STX3: variants seen among roughly 807,000 people sequenced by gnomAD.
The protein encoded by STX3 is syntaxin 3.
Under a neutral mutation model 40.2 loss-of-function variants are expected in STX3, and 19 were observed. The ratio of observed to expected loss-of-function variants is 0.47; its 90% confidence interval spans 0.33 to 0.69. The LOEUF (loss-of-function observed/expected upper bound fraction) is 0.69, where lower values mean the gene tolerates loss of function less well. STX3 is among the 30% of genes least tolerant of loss of function. STX3 has a pLI of 0.02. For missense variants in STX3, 364 were observed against 366.7 expected (o/e 0.99, Z 0.06); for synonymous variants, 122 against 132.2 (o/e 0.92, Z 0.53).
intron 2 of STX3, among the ~76,000 whole-genome samples, chr11:59,782,004 C>T (rs894591940): frequency 6.6e-6 from 1 of 152,128 alleles, no homozygotes; most frequent in Non-Finnish European, 1.5e-5. Context: ...TAGGAGAGGC[C>T]GAGACTAATT....
intron 2 of STX3, among the ~76,000 whole-genome samples, chr11:59,785,625 C>T (rs1864708035): frequency 6.6e-6 from 1 of 152,200 alleles, no homozygotes; most frequent in Admixed American, 6.5e-5. Flanking sequence ...GCCATTGTGC[C>T]TGGCCTCTCC....
At chr11:59,792,739 T>C (rs1487518436) in intron 6 of STX3, among the ~76,000 whole-genome samples, 1 of 152,088 alleles carries the variant, frequency 6.6e-6, no homozygotes, top group East Asian at 1.9e-4. Flanking sequence ...GCAGGTTGTC[T>C]AGGGTCTGGA....
intron 1 of STX3, among the ~76,000 whole-genome samples, chr11:59,756,165 C>T (rs1165642600): frequency 1.3e-5 from 2 of 151,944 alleles, no homozygotes; most frequent in Non-Finnish European, 2.9e-5. Flanking sequence ...GTGTCATTGT[C>T]CCCCCCTCCC....
Position 59,755,611 on chromosome 11 carries a change from G to A in STX3, c.6G>A (p.Lys2=), listed in dbSNP as rs763036783. 5.0e-6 allele frequency: 8 copies of A among 1,594,830 alleles called. No individual in the cohort carries two copies. The highest frequency in any genetic ancestry group is 2.3e-5 in the East Asian group (1 of 43,720). Residue 2 remains lysine (K), a synonymous_variant, in exon 1 of 11, where the codon AAG becomes AAA. Transcript: ENST00000337979. ...CCGGGCGCCTGGGCTTCAGGATGAAGGACCGTCTGGAGCAGCTGAAGGCCG... is the reference window on the plus strand; with the variant it reads ...CCGGGCGCCTGGGCTTCAGGATGAAAGACCGTCTGGAGCAGCTGAAGGCCG... M[K]DRLEQLKAKQ...
intron 1 of STX3, among the ~76,000 whole-genome samples, chr11:59,767,668 T>C (rs1315093512): frequency 6.6e-6 from 1 of 152,214 alleles, no homozygotes; most frequent in Non-Finnish European, 1.5e-5. Flanking sequence ...ACTTTGTTGT[T>C]GTTATTTTGT....
At chr11:59,791,116 G>T (rs895903800) in intron 5 of STX3, among the ~76,000 whole-genome samples, 2 of 152,190 alleles carry the variant, frequency 1.3e-5, no homozygotes, top group African/African-American at 4.8e-5. Flanking sequence ...AGAGGAGGCT[G>T]GGCCAGAGTG....
intron 2 of STX3, among the ~76,000 whole-genome samples, chr11:59,776,831 C>A (rs1279887414): frequency 1.3e-5 from 2 of 152,180 alleles, no homozygotes; most frequent in African/African-American, 2.4e-5. Context: ...GCTGATCAAG[C>A]CAGAGCCTGG....
rs186772373 is a variant in STX3, at chr11:59,794,721, T to A, written c.676-651T>A. On this transcript the variant is annotated intron_variant, in intron 8 of 10. Coordinates refer to ENST00000337979, the MANE Select transcript of STX3 (RefSeq NM_004177.5). ...ATTAATTGGAATGATCAAACTTCCC[T>A]GTCAGGAAGTGATTGCTAGGAAATG... is the stretch of plus-strand genomic sequence containing the variant. Among the ~76,000 whole-genome samples, 4 of 152,350 alleles carry A rather than the reference T, an allele frequency of 2.6e-5. No individual in the cohort carries two copies. In the East Asian group the frequency reaches 7.7e-4, roughly 29 times the overall value.
Position 59,804,639 on chromosome 11 carries a change from A to G in STX3, c.*3815A>G, listed in dbSNP as rs1866011425. 6.6e-6 allele frequency: 1 copy of G among 152,202 alleles called. No homozygotes were observed. Among genetic ancestry groups the G allele is most frequent in the Non-Finnish European group, 1.5e-5 (1 of 68,030 alleles). The allele number at this position is 152,202 out of a possible 1,614,324, so 9.4% of individuals were successfully genotyped here. A position where few individuals can be genotyped will look rare whatever the true frequency, so the allele number is the denominator to read the frequency against. ...TAAAGTGCTTTTTCTATGGGTGGTG[A>G]TGGTGGAGTTCTAGCAACAGCCTCT... On this transcript the variant is annotated 3_prime_UTR_variant, in exon 11 of 11. Coordinates refer to ENST00000337979, the MANE Select transcript of STX3 (RefSeq NM_004177.5).
At chr11:59,778,905 G>A (rs993547481) in intron 2 of STX3, among the ~76,000 whole-genome samples, 3 of 149,834 alleles carry the variant, frequency 2.0e-5, no homozygotes, top group Non-Finnish European at 4.4e-5. Context: ...TGTGATCTCG[G>A]CTCACTGCAG....
chr11:59,763,832 A>G (rs1455360571), intron 1 of STX3, among the ~76,000 whole-genome samples: 1 of 152,236 alleles, frequency 6.6e-6, no homozygotes, highest in Non-Finnish European at 1.5e-5. Flanking sequence ...ATCCTGGCCA[A>G]CATGGCGGAA....
chr11:59,778,021 C>T (rs775295528), intron 2 of STX3, among the ~76,000 whole-genome samples: 18 of 152,276 alleles, frequency 1.2e-4, no homozygotes, highest in South Asian at 2.1e-4. Flanking sequence ...CTACACTTGG[C>T]TTCTTTCTGT....
chr11:59,773,986 A>C (rs1273675637), intron 2 of STX3, among the ~76,000 whole-genome samples: 2,188 of 151,198 alleles, frequency 0.014, 64 homozygotes, highest in African/African-American at 0.049. Flanking sequence ...ACAAAAAAAA[A>C]AAAAAAAAAA....
intron 3 of STX3, 89 bp downstream of exon 3, chr11:59,787,225 A>G: frequency 1.7e-6 from 2 of 1,144,866 alleles, no homozygotes; most frequent in South Asian, 2.6e-5. Context: ...CGTGAGCAGT[A>G]GGGAAGTGTA....
intron 1 of STX3, among the ~76,000 whole-genome samples, chr11:59,769,354 C>T (rs553378882): frequency 1.3e-5 from 2 of 152,136 alleles, no homozygotes; most frequent in East Asian, 1.9e-4. Context: ...ATCTTTTCAG[C>T]GGGGCAGCGG....
At chr11:59,771,654 T>C (rs756434103) in intron 1 of STX3, among the ~76,000 whole-genome samples, 3 of 152,062 alleles carry the variant, frequency 2.0e-5, no homozygotes, top group East Asian at 1.9e-4. Flanking sequence ...CCCTGTGTGA[T>C]AGAGTGATCT....
Position 59,805,296 on chromosome 11 carries a change from G to A in STX3, c.*4472G>A, listed in dbSNP as rs1866049315. The A allele has an allele frequency of 6.6e-6, 1 of 151,940 alleles. No individual in the cohort carries two copies. Among genetic ancestry groups the A allele is most frequent in the African/African-American group, 2.4e-5 (1 of 41,350 alleles). The allele number at this position is 151,940 out of a possible 1,614,324, so 9.4% of individuals were successfully genotyped here. ...CAGCTATGTGAATGTGAGTTCTAGTGCAGATTATTTAGTGATTATGTAACT... is the reference window on the plus strand; with the variant it reads ...CAGCTATGTGAATGTGAGTTCTAGTACAGATTATTTAGTGATTATGTAACT... On this transcript the variant is annotated 3_prime_UTR_variant, in exon 11 of 11. Transcript: ENST00000337979.
rs1438201010 is a variant in STX3, at chr11:59,787,647, G to A, written c.214+511G>A. On this transcript the variant is annotated intron_variant, in intron 3 of 10. Coordinates refer to ENST00000337979, the MANE Select transcript of STX3 (RefSeq NM_004177.5). ...TTCTCCCCTAATTGTTTGCATGGGT[G>A]TCCAACCTTTTGGCTTCCCTGGGCC... is the stretch of plus-strand genomic sequence containing the variant. Among the ~76,000 whole-genome samples, 3 of 152,158 alleles carry A rather than the reference G, an allele frequency of 2.0e-5. No individual in the cohort carries two copies. The East Asian group carries it at 5.8e-4, about 29-fold the overall frequency.
At chr11:59,771,412 C>CG (rs1371573284) in intron 1 of STX3, among the ~76,000 whole-genome samples, 1 of 118,702 alleles carries the variant, frequency 8.4e-6, no homozygotes, top group Admixed American at 8.1e-5. Flanking sequence ...CTCCCCCCCC[C>CG]CGCCCGCCCA....
Sources: allele counts gnomAD v4.1 joint callset (sites outside exome capture counted in the v4.1 genomes callset), GRCh38; gene constraint gnomAD v4.1.1; transcripts MANE v1.5; gene names NCBI Gene and HGNC (gene_info 2026-07-23, HGNC 2026-07-21).